The following C3orf49 variants were observed in gnomAD, a reference collection of about 807,000 sequenced individuals.
The protein encoded by C3orf49 is chromosome 3 open reading frame 49.
A neutral mutation model predicts 13.3 loss-of-function variants in C3orf49; 27 were observed. That is an observed-to-expected ratio of 2.02 (90% CI 1.49 to 2.79). C3orf49 has a LOEUF of 2.79. Ranked by LOEUF, C3orf49 falls within the 30% of genes most tolerant of loss-of-function variation. The pLI, the probability that C3orf49 is intolerant of heterozygous loss-of-function variation, is 0.00. For missense variants in C3orf49, 242 were observed against 134.2 expected (o/e 1.80, Z -3.97); for synonymous variants, 87 against 47.6 (o/e 1.83, Z -3.40).
upstream of C3orf49, among the ~76,000 whole-genome samples, chr3:63,816,559 G>C (rs761572028): frequency 1.3e-5 from 2 of 151,368 alleles, no homozygotes; most frequent in African/African-American, 4.8e-5. Context: ...TCCAGCCTGG[G>C]TGACAGAGTA....
the C3orf49 span, among the ~76,000 whole-genome samples, chr3:63,793,527 C>T: frequency 6.6e-6 from 1 of 152,016 alleles, no homozygotes; most frequent in Non-Finnish European, 1.5e-5. Flanking sequence ...GAGTCTCCAG[C>T]ACTCCCCACA....
chr3:63,841,311 G>T (rs1255371016), intron 5 of C3orf49, among the ~76,000 whole-genome samples: 1 of 152,208 alleles, frequency 6.6e-6, no homozygotes, highest in African/African-American at 2.4e-5. Flanking sequence ...TGGTAAGAGG[G>T]ACTACAGATA....
intron 5 of C3orf49, among the ~76,000 whole-genome samples, chr3:63,836,943 C>T (rs112095936): frequency 0.014 from 2,178 of 151,586 alleles, 44 homozygotes; most frequent in Admixed American, 0.053. Context: ...CATTAACCAA[C>T]GAAAACACTG....
chr3:63,780,084 C>A, the C3orf49 span: 183 of 152,214 alleles, frequency 1.2e-3, no homozygotes, highest in African/African-American at 4.1e-3. Context: ...TGGTGTGATG[C>A]ACCCATTAAC....
chr3:63,814,794 C>A (rs1212292779), upstream of C3orf49, among the ~76,000 whole-genome samples: 2 of 152,262 alleles, frequency 1.3e-5, no homozygotes, highest in East Asian at 1.9e-4. Context: ...AACACCCCAA[C>A]TGAGTATCTC....
the C3orf49 span, among the ~76,000 whole-genome samples, chr3:63,799,749 A>G: frequency 1.9e-3 from 292 of 152,302 alleles, 2 homozygotes; most frequent in African/African-American, 6.7e-3. Flanking sequence ...CCAATTTTAC[A>G]GTTGAAACAG....
intron 6 of C3orf49, among the ~76,000 whole-genome samples, chr3:63,846,656 C>T (rs1374047890): frequency 6.6e-6 from 1 of 152,038 alleles, no homozygotes; most frequent in Non-Finnish European, 1.5e-5. Context: ...GGTGATCCAC[C>T]CACCTCGGCC....
At chr3:63,831,621 T>C (rs1701532298) in intron 4 of C3orf49, 59 bp from the exon 5 acceptor site, 1 of 679,698 alleles carries the variant, frequency 1.5e-6, no homozygotes, top group African/African-American at 1.8e-5. Flanking sequence ...AACTATCCCT[T>C]TGATTTTGAC....
intron 5 of C3orf49, among the ~76,000 whole-genome samples, chr3:63,835,793 C>T (rs1701620156): frequency 6.6e-6 from 1 of 151,996 alleles, no homozygotes. Context: ...TCTCCTCTAC[C>T]TCCCACTCAG....
Position 63,831,750 on chromosome 3 carries a change from A to C in C3orf49, c.755A>C (p.Gln252Pro), listed in dbSNP as rs1441258480. The part of the protein sequence containing the change: ...KLLAQRHAEL[Q>P]QCEFLGDEIL... ...CTGGCCCAAAGACATGCTGAGCTTC[A>C]ACAGTGTGAGTTTCTGGGGGATGAA... Residue 252 changes from glutamine (Q) to proline (P), a missense_variant, in exon 5 of 7, where the codon CAA becomes CCA. Gln to Pro is a moderately conservative substitution (Grantham distance 76). Coordinates refer to ENST00000295896, the MANE Select transcript of C3orf49 (RefSeq NM_001355236.2). The C allele has an allele frequency of 1.4e-6, 1 of 702,994 alleles. No individual in the cohort carries two copies. Among genetic ancestry groups the C allele is most frequent in the South Asian group, 1.5e-5 (1 of 67,606 alleles). The allele number at this position is 702,994 out of a possible 1,614,324, so 43.5% of individuals were successfully genotyped here. A position where few individuals can be genotyped will look rare whatever the true frequency, so the allele number is the denominator to read the frequency against.
chr3:63,809,605 CAT>C, the C3orf49 span, among the ~76,000 whole-genome samples: 376 of 152,316 alleles, frequency 2.5e-3, 1 homozygote, highest in African/African-American at 8.0e-3. Flanking sequence ...CCAGATCCCA[CAT>C]GTTAGGCCCT....
chr3:63,783,647 G>T, the C3orf49 span, among the ~76,000 whole-genome samples: 1 of 151,836 alleles, frequency 6.6e-6, no homozygotes, highest in Non-Finnish European at 1.5e-5. Context: ...GAACCCAGGA[G>T]GTTGAGCTTG....
the C3orf49 span, among the ~76,000 whole-genome samples, chr3:63,797,838 G>A: frequency 6.6e-6 from 1 of 152,136 alleles, no homozygotes; most frequent in East Asian, 1.9e-4. Flanking sequence ...TAGCAATGGT[G>A]GTGAAGTATG....
At chr3:63,798,490 A>T in the C3orf49 span, among the ~76,000 whole-genome samples, 1 of 152,176 alleles carries the variant, frequency 6.6e-6, no homozygotes, top group African/African-American at 2.4e-5. Context: ...ACAGGGATTA[A>T]CATGGGGATT....
At chr3:63,788,506 G>A in the C3orf49 span, among the ~76,000 whole-genome samples, 1 of 152,114 alleles carries the variant, frequency 6.6e-6, no homozygotes, top group Admixed American at 6.5e-5. Flanking sequence ...GGAAGATGAG[G>A]AAGGATAAGG....
the C3orf49 span, among the ~76,000 whole-genome samples, chr3:63,787,468 G>A: frequency 3.3e-5 from 5 of 152,076 alleles, no homozygotes; most frequent in African/African-American, 9.7e-5. Flanking sequence ...GTCAACAACT[G>A]TTTGGGAGCA....
intron 5 of C3orf49, among the ~76,000 whole-genome samples, chr3:63,835,713 T>G (rs1459140382): frequency 6.6e-6 from 1 of 152,060 alleles, no homozygotes; most frequent in African/African-American, 2.4e-5. Context: ...GTAAAAGAAA[T>G]AAAACATTGC....
chr3:63,797,187 A>T, the C3orf49 span, among the ~76,000 whole-genome samples: 1 of 151,914 alleles, frequency 6.6e-6, no homozygotes, highest in Non-Finnish European at 1.5e-5. Flanking sequence ...TCTATAGGTA[A>T]GGTGTTTTTC....
intron 4 of C3orf49, 136 bp downstream of exon 4, chr3:63,831,359 G>A (rs1701529597): frequency 1.6e-6 from 1 of 613,116 alleles, no homozygotes; most frequent in Admixed American, 2.9e-5. Context: ...TGTTAGCAGG[G>A]GGGCATTCTG....
Sources: gnomAD v4.1 joint callset for allele counts (sites outside exome capture counted in the v4.1 genomes callset) on GRCh38, gnomAD v4.1.1 for gene constraint, MANE v1.5 for transcripts, NCBI Gene and HGNC (gene_info 2026-07-23, HGNC 2026-07-21) for gene names.